The following ZNF695 variants were observed in gnomAD, a reference collection of about 807,000 sequenced individuals.
ZNF695 encodes zinc finger protein 695, also known as zinc finger protein SBZF3.
ZNF695 carries 11 observed loss-of-function variants against 11.2 expected under a neutral mutation model. The observed-to-expected ratio is 0.98, with a 90% CI of 0.62 to 1.62. ZNF695 has a LOEUF of 1.62. ZNF695 is among the 40% of genes most tolerant of loss of function. ZNF695 has a pLI of 0.00. For missense variants in ZNF695, 559 were observed against 590.5 expected, an observed-to-expected ratio of 0.95 and a Z score of 0.55; for synonymous variants, 190 against 201.4, an observed-to-expected ratio of 0.94 and a Z score of 0.48.
intron 5 of ZNF695, among the ~76,000 whole-genome samples, chr1:246,946,036 A>G (rs1366421656): frequency 1.3e-5 from 2 of 152,202 alleles, no homozygotes. Flanking sequence ...GAAGCAATCT[A>G]AAGTTATACG....
At chr1:246,953,636 G>A in intron 5 of ZNF695, among the ~76,000 whole-genome samples, 1 of 150,714 alleles carries the variant, frequency 6.6e-6, no homozygotes. Flanking sequence ...AAACAACAAA[G>A]AAATGGGCCC....
chr1:246,947,143 A>ATC, intron 5 of ZNF695, among the ~76,000 whole-genome samples: 1 of 149,618 alleles, frequency 6.7e-6, no homozygotes. Context: ...CCGTCAAAAA[A>ATC]AAAAAAAAAA....
In ZNF695 at chr1:246,999,331, C is replaced by A. The variant is rs1344559804; in HGVS notation, c.259+17G>T. ...CTTCAACCCCTACCTGTGTTCGCTT[C>A]ATTCACTCCCACCTACCTGAGTGTC... On this transcript the variant is annotated intron_variant, in intron 3 of 3. Transcript: ENST00000339986. 1.9e-6 allele frequency: 3 copies of A among 1,598,348 alleles called. No homozygotes were observed. Among genetic ancestry groups the A allele is most frequent in the Non-Finnish European group, 2.6e-6 (3 of 1,165,722 alleles).
intron 1 of ZNF695, 79 bp downstream of exon 1, chr1:247,007,827 C>A: frequency 6.9e-7 from 1 of 1,450,456 alleles, no homozygotes; most frequent in East Asian, 2.7e-5. Context: ...CCGGGGCCGC[C>A]AGCGCTGGTT....
chr1:246,951,102 G>A (rs900639871), intron 5 of ZNF695, among the ~76,000 whole-genome samples: 2 of 151,800 alleles, frequency 1.3e-5, no homozygotes, highest in Non-Finnish European at 2.9e-5. Flanking sequence ...TCATATAGTT[G>A]GTCTGAAATG....
intron 3 of ZNF695, chr1:246,996,154 T>C: frequency 2.7e-6 from 1 of 372,350 alleles, no homozygotes; most frequent in Non-Finnish European, 5.2e-6. Flanking sequence ...GAGACCAGCC[T>C]GGCCAACATG....
At chr1:246,960,580 T>C (rs917109624) in intron 5 of ZNF695, among the ~76,000 whole-genome samples, 39 of 152,204 alleles carry the variant, frequency 2.6e-4, no homozygotes, top group Admixed American at 2.6e-3. Flanking sequence ...GACAAGTTCT[T>C]TTCTTCATTT....
intron 5 of ZNF695, among the ~76,000 whole-genome samples, chr1:246,947,093 T>C (rs1366481099): frequency 7.1e-6 from 1 of 140,540 alleles, no homozygotes; most frequent in Non-Finnish European, 1.5e-5. Context: ...TGAGCTGAGA[T>C]CGGGCCACTG....
chr1:246,988,437 A>G (rs6670479), intron 3 of ZNF695, among the ~76,000 whole-genome samples, 182 bp from the exon 4 acceptor site: 13,269 of 152,168 alleles, frequency 0.087, 1,333 homozygotes, highest in African/African-American at 0.24. Flanking sequence ...TGAGAATCCT[A>G]AAAGCAGCCA....
chr1:246,980,204 A>C (rs12730491), intron 4 of ZNF695, among the ~76,000 whole-genome samples: 2 of 147,484 alleles, frequency 1.4e-5, no homozygotes, highest in Non-Finnish European at 3.0e-5. Flanking sequence ...AAAAAAAAAA[A>C]CTTATGCTGT....
At chr1:246,995,231 G>A (rs1005399127) in intron 3 of ZNF695, among the ~76,000 whole-genome samples, 14 of 152,136 alleles carry the variant, frequency 9.2e-5, no homozygotes, top group Non-Finnish European at 1.9e-4. Context: ...TATTATTTAT[G>A]ACCAAAATGG....
chr1:246,978,957 A>C (rs1668635650), intron 4 of ZNF695, among the ~76,000 whole-genome samples: 1 of 152,200 alleles, frequency 6.6e-6, no homozygotes, highest in Non-Finnish European at 1.5e-5. Flanking sequence ...AATGCTTTTA[A>C]GTGGACTCTA....
intron 5 of ZNF695, chr1:246,966,903 AC>A: frequency 2.2e-6 from 1 of 450,100 alleles, no homozygotes; most frequent in South Asian, 1.6e-5. Context: ...CAGAGGAGTT[AC>A]ATATTAAATA....
At chr1:247,005,710 A>C (rs971203541) in intron 1 of ZNF695, among the ~76,000 whole-genome samples, 63 of 152,166 alleles carry the variant, frequency 4.1e-4, no homozygotes, top group African/African-American at 1.4e-3. Context: ...ACGATAAAAA[A>C]CAACAACAAA....
chr1:246,960,918 C>CAAACAAA (rs978173985), intron 5 of ZNF695, among the ~76,000 whole-genome samples: 3 of 151,924 alleles, frequency 2.0e-5, no homozygotes, highest in Admixed American at 1.3e-4. Context: ...CTCAAACAAA[C>CAAACAAA]AAACAAAAAA....
At chr1:246,976,982 A>AGGG in intron 4 of ZNF695, among the ~76,000 whole-genome samples, 1 of 152,296 alleles carries the variant, frequency 6.6e-6, no homozygotes, top group East Asian at 1.9e-4. Context: ...AGATTTGGGC[A>AGGG]GGGACACATA....
chr1:246,991,056 G>C (rs1669016790), intron 3 of ZNF695, among the ~76,000 whole-genome samples: 1 of 152,004 alleles, frequency 6.6e-6, no homozygotes, highest in African/African-American at 2.4e-5. Context: ...AACTAGAAAA[G>C]CAAGCGCAAA....
At chr1:246,984,718 T>C (rs112304645), downstream of ZNF695, among the ~76,000 whole-genome samples, 6 of 152,322 alleles carry the variant, frequency 3.9e-5, no homozygotes, top group African/African-American at 1.4e-4. Flanking sequence ...GCTCGAATAG[T>C]GTTCTCTAAT....
intron 5 of ZNF695, among the ~76,000 whole-genome samples, chr1:246,956,883 G>T (rs993149214): frequency 5.9e-5 from 9 of 151,978 alleles, no homozygotes; most frequent in Non-Finnish European, 1.2e-4. Context: ...TGATTACTCA[G>T]TATAACGTCC....
Sources: gnomAD v4.1 joint callset for allele counts (sites outside exome capture counted in the v4.1 genomes callset) on GRCh38, gnomAD v4.1.1 for gene constraint, MANE v1.5 for transcripts, NCBI Gene and HGNC (gene_info 2026-07-23, HGNC 2026-07-21) for gene names.